The following BAZ1A variants were observed in gnomAD, a reference collection of about 807,000 sequenced individuals.
The protein encoded by BAZ1A is bromodomain adjacent to zinc finger domain 1A.
In BAZ1A, 50 loss-of-function variants were observed where a neutral mutation model predicts 185.2. The observed-to-expected ratio is 0.27, with a 90% CI of 0.22 to 0.34. BAZ1A has a LOEUF of 0.34. Ranked by LOEUF, BAZ1A falls within the 10% of genes least tolerant of loss-of-function variation. The pLI, the probability that BAZ1A is intolerant of heterozygous loss-of-function variation, is 1.00. For synonymous variants in BAZ1A, 571 were observed against 615.6 expected (o/e 0.93, Z 1.07); for missense variants, 1,356 against 1,839.9 (o/e 0.74, Z 4.81).
intron 24 of BAZ1A, among the ~76,000 whole-genome samples, chr14:34,760,327 C>A (rs1268418816): frequency 3.3e-5 from 5 of 152,092 alleles, no homozygotes; most frequent in Non-Finnish European, 7.4e-5. Context: ...TAAATTAGAT[C>A]CTGACTGGTA....
At chr14:34,857,082 C>A (rs932781434) in intron 3 of BAZ1A, among the ~76,000 whole-genome samples, 3 of 150,560 alleles carry the variant, frequency 2.0e-5, no homozygotes, top group Non-Finnish European at 4.4e-5. Context: ...TCTCGGCTCA[C>A]TGCAAGCTCC....
intron 3 of BAZ1A, among the ~76,000 whole-genome samples, chr14:34,842,891 A>G (rs960001653): frequency 6.6e-6 from 1 of 152,114 alleles, no homozygotes; most frequent in Admixed American, 6.6e-5. Flanking sequence ...TGGGAATTAA[A>G]TAATAGTACA....
chr14:34,810,625 G>T (rs2041916193), intron 5 of BAZ1A, among the ~76,000 whole-genome samples: 1 of 151,798 alleles, frequency 6.6e-6, no homozygotes, highest in African/African-American at 2.4e-5. Flanking sequence ...AAGTCCATTA[G>T]GATTTTTTTT....
Position 34,759,184 on chromosome 14 carries a change from T to TTTTTTTTTTTTG in BAZ1A, c.4244-339_4244-338insCAAAAAAAAAAA, listed in dbSNP as rs1555336965. Among the ~76,000 whole-genome samples the TTTTTTTTTTTTG allele has an allele frequency of 2.5e-3, 266 of 108,098 alleles. 13 individuals are homozygous for TTTTTTTTTTTTG. Among genetic ancestry groups the TTTTTTTTTTTTG allele is most frequent in the Middle Eastern group, 5.2e-3 (1 of 192 alleles). The allele number at this position is 108,098 out of a possible 152,430, so 70.9% of individuals were successfully genotyped here. ...TTTACAGCTACAGTTTTTTTTTTTT[T>TTTTTTTTTTTTG]TTTTTTTTTTTTTTGAGATGGAGTC... is the stretch of plus-strand genomic sequence containing the variant. On this transcript the variant is annotated intron_variant, in intron 24 of 26. Transcript: ENST00000360310.
intron 23 of BAZ1A, among the ~76,000 whole-genome samples, chr14:34,763,612 T>C (rs1878589363): frequency 6.6e-6 from 1 of 152,180 alleles, no homozygotes; most frequent in Admixed American, 6.5e-5. Flanking sequence ...GCTACAATTA[T>C]AATTTTTTTT....
At position 34,801,230 on chromosome 14, in the gene BAZ1A, T is replaced by C. The variant is rs761992268; in HGVS notation, c.862-37A>G. 10 of 1,463,990 alleles carry C rather than the reference T, an allele frequency of 6.8e-6. No homozygotes were observed. In the South Asian group the frequency reaches 7.4e-5, roughly 11 times the overall value. The allele number at this position is 1,463,990 out of a possible 1,614,324, so 90.7% of individuals were successfully genotyped here. ...ACCAAAATAGTATGCCTGGTTCTTA[T>C]AGTAAGAATAAAAAGCAAAAAATTT... On this transcript the variant is annotated intron_variant, in intron 7 of 26. Transcript: ENST00000360310.
intron 3 of BAZ1A, among the ~76,000 whole-genome samples, chr14:34,843,218 G>C (rs775343670): frequency 5.9e-5 from 9 of 152,052 alleles, no homozygotes; most frequent in Non-Finnish European, 1.5e-5. Flanking sequence ...TTAGGTGCTA[G>C]GCACTGTGGC....
chr14:34,753,418 CAATT>C lies in BAZ1A; in HGVS notation c.*86_*89del, dbSNP rs770266563. ...CAGGCCACACTTTCATGTGGTCAAT[CAATT>C]GTTATTGCTTTATACAGCATGATTT... On this transcript the variant is annotated 3_prime_UTR_variant, in exon 27 of 27. Transcript: ENST00000360310. 39 of 1,051,316 alleles carry C rather than the reference CAATT, an allele frequency of 3.7e-5. No homozygotes were observed. Among genetic ancestry groups the C allele is most frequent in the African/African-American group, 9.2e-5 (6 of 65,562 alleles). The allele number at this position is 1,051,316 out of a possible 1,614,324, so 65.1% of individuals were successfully genotyped here.
At position 34,852,618 on chromosome 14, in the gene BAZ1A, C is replaced by CA. The variant is rs558311174; in HGVS notation, c.392+9425dup. On this transcript the variant is annotated intron_variant, in intron 3 of 26. Transcript: ENST00000360310. ...TGGGTGACAGACTGAGACTCTGTCT[C>CA]AAAAAAAATAAAATAAAGTGCATGT... is the stretch of plus-strand genomic sequence containing the variant. Among the ~76,000 whole-genome samples the CA allele has an allele frequency of 4.7e-3, 705 of 151,270 alleles. 3 individuals carry two copies. Among genetic ancestry groups the CA allele is most frequent in the Non-Finnish European group, 7.7e-3 (519 of 67,812 alleles).
chr14:34,787,272 G>C (rs1439351160), intron 12 of BAZ1A, among the ~76,000 whole-genome samples: 1 of 148,782 alleles, frequency 6.7e-6, no homozygotes, highest in Non-Finnish European at 1.5e-5. Context: ...AGAATCACTT[G>C]AACCTGGGAG....
chr14:34,773,706 C>T lies in BAZ1A; in HGVS notation c.3018G>A (p.Trp1006Ter). The T allele has an allele frequency of 6.2e-7, 1 of 1,613,436 alleles. No homozygotes were observed. The highest frequency in any genetic ancestry group is 8.5e-7 in the Non-Finnish European group (1 of 1,179,862). Residue 1006 changes from tryptophan (W) to a stop codon, truncating the protein, a stop_gained, in exon 20 of 27, where the codon TGG becomes TGA. Coordinates refer to ENST00000360310, the MANE Select transcript of BAZ1A (RefSeq NM_013448.3). LOFTEE classifies it high-confidence loss of function. ...GAIKVTDRHI[W>*]RSALESGRYE... ...ACCGTCCACTTTCTAATGCTGATCT[C>T]CAGATATGTCGATCTGTAACCTGTA...
At chr14:34,796,960 T>A (rs1403326847) in intron 9 of BAZ1A, among the ~76,000 whole-genome samples, 1 of 152,234 alleles carries the variant, frequency 6.6e-6, no homozygotes, top group Non-Finnish European at 1.5e-5. Flanking sequence ...GTTATGTGTA[T>A]GTATAGAAAG....
chr14:34,796,847 C>A (rs1881226308), intron 9 of BAZ1A, among the ~76,000 whole-genome samples: 1 of 152,214 alleles, frequency 6.6e-6, no homozygotes, highest in Admixed American at 6.5e-5. Context: ...AATAAATTAT[C>A]CACCCCCAAC....
At chr14:34,815,443 G>A (rs937708213) in intron 4 of BAZ1A, among the ~76,000 whole-genome samples, 1 of 152,120 alleles carries the variant, frequency 6.6e-6, no homozygotes, top group Non-Finnish European at 1.5e-5. Flanking sequence ...GTTTAATCAA[G>A]TTGAATTTAG....
intron 11 of BAZ1A, among the ~76,000 whole-genome samples, 179 bp from the exon 12 acceptor site, chr14:34,793,100 A>C (rs1433559745): frequency 6.6e-6 from 1 of 152,214 alleles, no homozygotes; most frequent in Non-Finnish European, 1.5e-5. Flanking sequence ...GATTACAATA[A>C]AATACAATAA....
At chr14:34,845,291 GAGGGGAA>G (rs2042492534) in intron 3 of BAZ1A, 3 of 100,386 alleles carry the variant, frequency 3.0e-5, no homozygotes, top group Non-Finnish European at 6.3e-5. Flanking sequence ...TTTTTTTTTG[GAGGGGAA>G]GAGGGGCTTT....
At position 34,825,882 on chromosome 14, in the gene BAZ1A, G is replaced by C. The variant is rs2042159037; in HGVS notation, c.536+131C>G. ...GAACCTGGGAGGTGGAAGTTGCAGT[G>C]AGCTGAGATCGAGCCACTGTACTCC... On this transcript the variant is annotated intron_variant, in intron 4 of 26. Transcript: ENST00000360310. 6 of 853,626 alleles carry C rather than the reference G, an allele frequency of 7.0e-6. No homozygotes were observed. In the South Asian group the frequency reaches 1.2e-4, roughly 17 times the overall value. The allele number at this position is 853,626 out of a possible 1,614,324, so 52.9% of individuals were successfully genotyped here.
chr14:34,825,447 C>CAAAA (rs35449855), intron 4 of BAZ1A, among the ~76,000 whole-genome samples: 1,108 of 55,304 alleles, frequency 0.02, 164 homozygotes, highest in African/African-American at 0.043. Context: ...AACTCTGTCT[C>CAAAA]AAAAAAAAAA....
At chr14:34,826,919 G>A (rs2042172763) in intron 3 of BAZ1A, among the ~76,000 whole-genome samples, 1 of 152,174 alleles carries the variant, frequency 6.6e-6, no homozygotes. Flanking sequence ...TGGGGGCCCA[G>A]ACAGGACAAA....
Sources: allele counts gnomAD v4.1 joint callset (sites outside exome capture counted in the v4.1 genomes callset), GRCh38; gene constraint gnomAD v4.1.1; transcripts MANE v1.5; gene names NCBI Gene and HGNC (gene_info 2026-07-23, HGNC 2026-07-21).